Variants in VKORC1L1 observed in about 807,000 individuals in gnomAD.
VKORC1L1 encodes the protein vitamin K epoxide reductase complex subunit 1-like protein 1.
VKORC1L1 carries 2 observed loss-of-function variants against 18.9 expected under a neutral mutation model. The observed-to-expected ratio is 0.11, with a 90% CI of 0.04 to 0.33. The LOEUF (loss-of-function observed/expected upper bound fraction) is 0.33. VKORC1L1 is among the 10% of genes least tolerant of loss of function. The probability of loss-of-function intolerance (pLI) is 1.00; values close to 1 mark genes in which losing one functional copy is unlikely to be tolerated. For missense variants in VKORC1L1, 123 were observed against 224.1 expected (o/e 0.55, Z 2.88); for synonymous variants, 96 against 100.0 (o/e 0.96, Z 0.24).
intron 1 of VKORC1L1, among the ~76,000 whole-genome samples, chr7:65,947,407 A>G (rs1238824552): frequency 6.8e-6 from 1 of 146,614 alleles, no homozygotes; most frequent in Middle Eastern, 3.3e-3. Context: ...ACTTAACACC[A>G]TAACTGGTTT....
At chr7:65,942,544 T>C (rs1790054165) in intron 1 of VKORC1L1, among the ~76,000 whole-genome samples, 1 of 152,008 alleles carries the variant, frequency 6.6e-6, no homozygotes, top group Non-Finnish European at 1.5e-5. Flanking sequence ...CTTTTCTTTT[T>C]TTCTTTTAAT....
At chr7:65,901,409 T>C (rs1475647154) in intron 1 of VKORC1L1, among the ~76,000 whole-genome samples, 2 of 152,218 alleles carry the variant, frequency 1.3e-5, no homozygotes, top group Non-Finnish European at 2.9e-5. Flanking sequence ...TGATTTGCGA[T>C]ATGTATTCTG....
chr7:65,922,276 CTT>C (rs1430884665), intron 1 of VKORC1L1, among the ~76,000 whole-genome samples: 3 of 143,088 alleles, frequency 2.1e-5, no homozygotes, highest in Non-Finnish European at 4.6e-5. Flanking sequence ...GATCATGTTC[CTT>C]TTTTTTTTTT....
rs150571144 is a variant in VKORC1L1, at chr7:65,931,023, G to T, written c.195-17648G>T. On this transcript the variant is annotated intron_variant, in intron 1 of 2. Transcript: ENST00000360768. ...TCAGTCTGTTAACATGATGAATTAC[G>T]CTGATTGGTTTTTAAATGTCAGACC... Among the ~76,000 whole-genome samples the T allele has an allele frequency of 3.5e-4, 54 of 152,182 alleles. No homozygotes were observed. In the East Asian group the frequency reaches 7.1e-3, roughly 20 times the overall value.
At chr7:65,943,303 A>G (rs1269432290) in intron 1 of VKORC1L1, among the ~76,000 whole-genome samples, 1 of 152,338 alleles carries the variant, frequency 6.6e-6, no homozygotes, top group East Asian at 1.9e-4. Flanking sequence ...TTGTGGGTAA[A>G]TATTGAGAGA....
At chr7:65,884,032 TAGAC>T (rs1361540701) in intron 1 of VKORC1L1, among the ~76,000 whole-genome samples, 2 of 152,174 alleles carry the variant, frequency 1.3e-5, no homozygotes, top group Non-Finnish European at 2.9e-5. Context: ...GGAATTAAAG[TAGAC>T]AGTATACTCA....
chr7:65,909,347 TAAGTA>T (rs1789461652), intron 1 of VKORC1L1, among the ~76,000 whole-genome samples: 1 of 151,860 alleles, frequency 6.6e-6, no homozygotes, highest in Non-Finnish European at 1.5e-5. Context: ...ATAATACTCT[TAAGTA>T]GAGAAACCAT....
At chr7:65,931,096 C>T (rs2115663635) in intron 1 of VKORC1L1, among the ~76,000 whole-genome samples, 1 of 151,968 alleles carries the variant, frequency 6.6e-6, no homozygotes, top group Non-Finnish European at 1.5e-5. Context: ...ATATATTATC[C>T]TTTCTGTATA....
rs1789683224 is a variant in VKORC1L1, at chr7:65,921,940, G to A, written c.195-26731G>A. Reference sequence around the variant, plus strand: ...TGGCCTCGGGGATTCTTCAACCTTGGCCTCCCAACGTGCTGTGATTACAGG... The same window carrying A: ...TGGCCTCGGGGATTCTTCAACCTTGACCTCCCAACGTGCTGTGATTACAGG... On this transcript the variant is annotated intron_variant, in intron 1 of 2. Transcript: ENST00000360768. 2.0e-5 allele frequency among the ~76,000 whole-genome samples: 3 copies of A among 152,042 alleles called. No homozygotes were observed. The South Asian group carries it at 6.2e-4, about 32-fold the overall frequency.
chr7:65,944,771 G>C (rs1211427814), intron 1 of VKORC1L1, among the ~76,000 whole-genome samples: 1 of 151,952 alleles, frequency 6.6e-6, no homozygotes. Context: ...ACAAAAATTA[G>C]CCAGGCACGG....
At chr7:65,913,454 G>A (rs573141690) in intron 1 of VKORC1L1, among the ~76,000 whole-genome samples, 72 of 152,098 alleles carry the variant, frequency 4.7e-4, no homozygotes, top group Non-Finnish European at 7.2e-4. Flanking sequence ...AGAGGCAGGC[G>A]CGGTGACTCT....
intron 1 of VKORC1L1, among the ~76,000 whole-genome samples, chr7:65,899,755 T>A (rs1044282402): frequency 2.0e-5 from 3 of 151,904 alleles, no homozygotes; most frequent in Admixed American, 6.6e-5. Flanking sequence ...ATCCCAGCAC[T>A]TTGGGAGGCT....
chr7:65,894,693 A>T (rs1192755998), intron 1 of VKORC1L1, among the ~76,000 whole-genome samples: 4 of 152,184 alleles, frequency 2.6e-5, no homozygotes, highest in Non-Finnish European at 5.9e-5. Flanking sequence ...GCACCACTGC[A>T]CTCCAGCCTG....
chr7:65,920,419 A>C (rs898144927), intron 1 of VKORC1L1, among the ~76,000 whole-genome samples: 10 of 152,170 alleles, frequency 6.6e-5, no homozygotes, highest in African/African-American at 2.2e-4. Flanking sequence ...CCTGCTACAC[A>C]CTGGGGACTC....
At chr7:65,899,231 C>A (rs565723132) in intron 1 of VKORC1L1, among the ~76,000 whole-genome samples, 1 of 152,216 alleles carries the variant, frequency 6.6e-6, no homozygotes, top group Admixed American at 6.5e-5. Flanking sequence ...AATGCAGGCT[C>A]AAGGCCGCAG....
chr7:65,906,385 A>G (rs986513610), intron 1 of VKORC1L1, among the ~76,000 whole-genome samples: 1 of 152,126 alleles, frequency 6.6e-6, no homozygotes, highest in African/African-American at 2.4e-5. Context: ...AGAAAAAAAA[A>G]AGGAGTATGG....
intron 1 of VKORC1L1, among the ~76,000 whole-genome samples, chr7:65,942,547 C>G (rs1044584509): frequency 5.9e-5 from 8 of 134,634 alleles, no homozygotes; most frequent in African/African-American, 2.2e-4. Flanking sequence ...TTCTTTTTTT[C>G]TTTTAATCGA....
intron 1 of VKORC1L1, among the ~76,000 whole-genome samples, chr7:65,944,990 G>A (rs973172771): frequency 7.9e-5 from 12 of 152,146 alleles, no homozygotes; most frequent in Admixed American, 7.9e-4. Flanking sequence ...GCTGGGTGCG[G>A]TGGCTGATGC....
At chr7:65,914,019 T>C (rs184720766) in intron 1 of VKORC1L1, among the ~76,000 whole-genome samples, 15 of 152,264 alleles carry the variant, frequency 9.9e-5, no homozygotes, top group Non-Finnish European at 1.3e-4. Context: ...CAACCCTTAT[T>C]TCTTGAGTTT....
Sources: gnomAD v4.1 joint callset for allele counts (sites outside exome capture counted in the v4.1 genomes callset) on GRCh38, gnomAD v4.1.1 for gene constraint, MANE v1.5 for transcripts, NCBI Gene and HGNC (gene_info 2026-07-23, HGNC 2026-07-21) for gene names.